CDK1: variants seen among roughly 807,000 people sequenced by gnomAD.
CDK1 encodes the protein cyclin-dependent kinase 1.
CDK1 carries 5 observed loss-of-function variants against 34.6 expected under a neutral mutation model. That is an observed-to-expected ratio of 0.14 (90% CI 0.08 to 0.30). The LOEUF (loss-of-function observed/expected upper bound fraction) is 0.30, where lower values mean the gene tolerates loss of function less well. Ranked by LOEUF, CDK1 falls within the 10% of genes least tolerant of loss-of-function variation. The probability of loss-of-function intolerance (pLI) is 1.00; values close to 1 mark genes in which losing one functional copy is unlikely to be tolerated. For synonymous variants in CDK1, 108 were observed against 114.7 expected, an observed-to-expected ratio of 0.94 and a Z score of 0.37; for missense variants, 157 against 345.7, an observed-to-expected ratio of 0.45 and a Z score of 4.33.
At chr10:60,790,704 A>G (rs1395901846) in intron 5 of CDK1, among the ~76,000 whole-genome samples, 1 of 152,100 alleles carries the variant, frequency 6.6e-6, no homozygotes, top group Non-Finnish European at 1.5e-5. Flanking sequence ...ATTTTTGTGT[A>G]TGGTTAGATA....
At chr10:60,785,953 C>G in intron 4 of CDK1, 166 bp downstream of exon 4, 1 of 1,217,652 alleles carries the variant, frequency 8.2e-7, no homozygotes, top group Non-Finnish European at 1.0e-6. Flanking sequence ...TAGAGATACC[C>G]ATGTTATTAC....
chr10:60,790,650 A>G (rs960245419), intron 5 of CDK1, among the ~76,000 whole-genome samples: 1 of 152,058 alleles, frequency 6.6e-6, no homozygotes, highest in African/African-American at 2.4e-5. Context: ...GTTTTCTTCC[A>G]ATAGTTTCAT....
chr10:60,786,220 A>C, intron 4 of CDK1: 1 of 921,930 alleles, frequency 1.1e-6, no homozygotes. Context: ...GAAGTATATA[A>C]AAGTGTCTTA....
chr10:60,780,983 A>G (rs1014526882), intron 2 of CDK1, among the ~76,000 whole-genome samples: 2 of 152,098 alleles, frequency 1.3e-5, no homozygotes, highest in African/African-American at 4.8e-5. Flanking sequence ...TACTGGAGGG[A>G]ATTTAGTGGA....
chr10:60,779,930 C>T (rs1447289096), intron 1 of CDK1, among the ~76,000 whole-genome samples: 1 of 152,154 alleles, frequency 6.6e-6, no homozygotes, highest in Non-Finnish European at 1.5e-5. Flanking sequence ...ATAGAATATA[C>T]ACGTTTCCAA....
At chr10:60,780,945 A>G (rs2080267634) in intron 2 of CDK1, among the ~76,000 whole-genome samples, 1 of 152,174 alleles carries the variant, frequency 6.6e-6, no homozygotes, top group Non-Finnish European at 1.5e-5. Flanking sequence ...ACCCCACTTG[A>G]CAAGAAATAG....
intron 2 of CDK1, among the ~76,000 whole-genome samples, chr10:60,782,130 A>G (rs1190090700): frequency 6.6e-6 from 1 of 152,208 alleles, no homozygotes; most frequent in Admixed American, 6.5e-5. Flanking sequence ...TACTACTTTA[A>G]AAGTTATATT....
intron 7 of CDK1, among the ~76,000 whole-genome samples, chr10:60,793,538 G>A (rs373746211): frequency 3.9e-5 from 6 of 151,954 alleles, no homozygotes; most frequent in Admixed American, 1.3e-4. Context: ...TCAGGTGGCC[G>A]TTTAATTCTC....
At chr10:60,792,589 A>G (rs894721450) in intron 7 of CDK1, among the ~76,000 whole-genome samples, 2 of 151,862 alleles carry the variant, frequency 1.3e-5, no homozygotes, top group Non-Finnish European at 2.9e-5. Context: ...TCTCCTTTCT[A>G]GCATTTTTGT....
chr10:60,782,892 T>C (rs2080284600), intron 2 of CDK1, among the ~76,000 whole-genome samples: 1 of 152,180 alleles, frequency 6.6e-6, no homozygotes, highest in African/African-American at 2.4e-5. Flanking sequence ...AGTGATATTA[T>C]CTCTAAAATT....
chr10:60,790,215 G>A (rs1424008617), intron 5 of CDK1, among the ~76,000 whole-genome samples: 1 of 152,082 alleles, frequency 6.6e-6, no homozygotes, highest in Admixed American at 6.6e-5. Flanking sequence ...TTGCTGTGCA[G>A]AAGCTTTTTA....
intron 7 of CDK1, among the ~76,000 whole-genome samples, chr10:60,792,510 A>G (rs1238097012): frequency 2.7e-5 from 4 of 150,942 alleles, no homozygotes; most frequent in Non-Finnish European, 4.4e-5. Context: ...ACAGGTAGCT[A>G]TGGATATTCT....
chr10:60,785,003 T>C, intron 3 of CDK1, 142 bp downstream of exon 3: 1 of 682,106 alleles, frequency 1.5e-6, no homozygotes, highest in Non-Finnish European at 2.5e-6. Flanking sequence ...TAGTTGAGAA[T>C]GCCGCACATA....
At chr10:60,789,339 A>G (rs896727488) in intron 5 of CDK1, among the ~76,000 whole-genome samples, 2 of 152,098 alleles carry the variant, frequency 1.3e-5, no homozygotes, top group East Asian at 3.9e-4. Flanking sequence ...ACTAGAGCTT[A>G]TTTTTCCTTT....
intron 1 of CDK1, among the ~76,000 whole-genome samples, chr10:60,779,273 T>C (rs2080251746): frequency 6.6e-6 from 1 of 152,248 alleles, no homozygotes; most frequent in South Asian, 2.1e-4. Flanking sequence ...GAGTGTGCTT[T>C]ATAAATGATT....
chr10:60,782,168 A>G (rs147064239), intron 2 of CDK1, among the ~76,000 whole-genome samples: 1 of 152,344 alleles, frequency 6.6e-6, no homozygotes, highest in East Asian at 1.9e-4. Context: ...CATTTTGAAC[A>G]TCTCCAAATC....
Position 60,788,081 on chromosome 10 carries a change from C to A in CDK1, c.340C>A (p.Gln114Lys). 6.4e-7 allele frequency: 1 copy of A among 1,553,048 alleles called. No homozygotes were observed. Among genetic ancestry groups the A allele is most frequent in the East Asian group, 2.3e-5 (1 of 43,744 alleles). The change falls in exon 5 of 8, where the codon CAG becomes AAG. Residue 114 changes from glutamine to lysine, a missense_variant. Physicochemically the swap from Gln to Lys is moderately conservative, Grantham distance 53 (BLOSUM62 1). Transcript: ENST00000395284. ...CCAGAGTTATTTATACCAAATCCTA[C>A]AGGGGATTGTGTTTTGTCACTCTAG... Reference protein sequence around the residue: ...LVKSYLYQILQGIVFCHSRRV... With the variant: ...LVKSYLYQILKGIVFCHSRRV...
chr10:60,786,518 A>G (rs901692596), intron 4 of CDK1: 1 of 220,026 alleles, frequency 4.5e-6, no homozygotes, highest in Non-Finnish European at 7.7e-6. Flanking sequence ...GCTCTTATTA[A>G]CAGTACTGCA....
intron 5 of CDK1, among the ~76,000 whole-genome samples, chr10:60,789,124 T>G (rs963884501): frequency 5.3e-5 from 8 of 152,126 alleles, no homozygotes; most frequent in Admixed American, 3.9e-4. Context: ...ATCGACGCAT[T>G]ATTATACATA....
Sources: allele counts gnomAD v4.1 joint callset (sites outside exome capture counted in the v4.1 genomes callset), GRCh38; gene constraint gnomAD v4.1.1; transcripts MANE v1.5; gene names NCBI Gene and HGNC (gene_info 2026-07-23, HGNC 2026-07-21).